CENPF: variants seen among roughly 807,000 people sequenced by gnomAD.
CENPF encodes AH antigen.
CENPF carries 214 observed loss-of-function variants against 307.3 expected under a neutral mutation model. The ratio of observed to expected loss-of-function variants is 0.70; its 90% CI spans 0.62 to 0.78. The LOEUF is 0.78. Among genes scored for constraint, CENPF ranks in the 30% least tolerant of loss-of-function variants. CENPF has a pLI of 0.00. For synonymous variants in CENPF, 1,259 were observed against 1,270.6 expected (o/e 0.99, Z 0.19); for missense variants, 3,401 against 3,483.9 (o/e 0.98, Z 0.60).
In CENPF at chr1:214,632,430, A is replaced by C. The variant is rs376556273; in HGVS notation, c.1324-50A>C. ...ATTGTTTAAGAATACATGATTAATG[A>C]AAAAGTAAAGAACATGAAAATGAAA... On this transcript the variant is annotated intron_variant, in intron 9 of 19. Transcript: ENST00000366955. The C allele has an allele frequency of 9.9e-5, 157 of 1,585,354 alleles. 1 individual carries two copies. The highest frequency in any genetic ancestry group is 2.2e-4 in the Admixed American group (12 of 55,188).
At position 214,622,167 on chromosome 1, in the gene CENPF, C is replaced by G; in HGVS notation, c.954C>G (p.Leu318=). The G allele has an allele frequency of 6.2e-7, 1 of 1,613,922 alleles. No homozygotes were observed. The highest frequency in any genetic ancestry group is 8.5e-7 in the Non-Finnish European group (1 of 1,179,900). ...MKGQVNKFQE[L]QLQLEKAKVE... ...GCCAAGTGAATAAGTTTCAAGAACT[C>G]CAACTCCAACTGGAGAAAGCAAAAG... Residue 318 remains leucine, a synonymous_variant, in exon 7 of 20, where the codon CTC becomes CTG. Coordinates refer to ENST00000366955, the MANE Select transcript of CENPF (RefSeq NM_016343.4).
At chr1:214,632,667 A>G (rs765769098) in intron 10 of CENPF, 65 bp downstream of exon 10, 442 of 1,563,960 alleles carry the variant, frequency 2.8e-4, no homozygotes, top group Non-Finnish European at 3.5e-4. Flanking sequence ...GGAAAAGAAT[A>G]TTCCTATTCC....
At chr1:214,625,143 ATTTTG>A (rs1657616755) in intron 7 of CENPF, among the ~76,000 whole-genome samples, 1 of 151,568 alleles carries the variant, frequency 6.6e-6, no homozygotes, top group South Asian at 2.1e-4. Flanking sequence ...CTTTCAACCT[ATTTTG>A]TTATATTGAG....
In CENPF at chr1:214,642,830, G is replaced by A. The variant is rs1198752698; in HGVS notation, c.4492G>A (p.Ala1498Thr). 1 of 1,613,984 alleles carries A rather than the reference G, an allele frequency of 6.2e-7. No individual in the cohort carries two copies. The highest frequency in any genetic ancestry group is 1.7e-4 in the Middle Eastern group (1 of 6,058). ...TTTGGGAGACTCCTCCTTTTACAGA[G>A]CTCTTTTAGAACAGACAGGAGATAT... ...SSLGDSSFYRALLEQTGDMSL... is the reference protein window; with the variant it reads ...SSLGDSSFYRTLLEQTGDMSL... Residue 1498 changes from alanine to threonine, a missense_variant, in exon 12 of 20, where the codon GCT (alanine) becomes ACT (threonine). By Grantham distance (58) the Ala-to-Thr change is moderately conservative. Coordinates refer to ENST00000366955, the MANE Select transcript of CENPF (RefSeq NM_016343.4).
intron 5 of CENPF, 103 bp from the exon 6 acceptor site, chr1:214,620,552 A>C (rs117213302): frequency 3.4e-6 from 4 of 1,185,172 alleles, no homozygotes; most frequent in East Asian, 2.3e-5. Context: ...ATGCAGTGCA[A>C]CTGTTAACTT....
intron 1 of CENPF, chr1:214,605,515 G>A (rs1467016193): frequency 1.7e-6 from 1 of 585,590 alleles, no homozygotes; most frequent in Non-Finnish European, 3.0e-6. Flanking sequence ...CAAAAGGAAA[G>A]GAGTGCGTAG....
At chr1:214,652,372 G>A (rs967927765) in intron 15 of CENPF, among the ~76,000 whole-genome samples, 4 of 151,502 alleles carry the variant, frequency 2.6e-5, no homozygotes, top group Non-Finnish European at 4.4e-5. Flanking sequence ...CCATTTTGGA[G>A]TAGAATAATA....
rs373295400 is a variant in CENPF at position 214,643,263 on chromosome 1, G to A, written c.4925G>A (p.Arg1642Gln). 160 of 1,568,236 alleles carry A rather than the reference G, an allele frequency of 1.0e-4. No homozygotes were observed. In the East Asian group the frequency reaches 1.6e-3, roughly 15 times the overall value. The change falls in exon 12 of 20, where the codon CGA (arginine) becomes CAA (glutamine). Residue 1642 changes from arginine (R) to glutamine (Q), a missense_variant. By Grantham distance (43) the Arg-to-Gln change is conservative. Coordinates refer to ENST00000366955, the MANE Select transcript of CENPF (RefSeq NM_016343.4). ...EQLSLELEVARLQLQGLDLSS... is the reference protein window; with the variant it reads ...EQLSLELEVAQLQLQGLDLSS... ...CTGTCACTTGAGCTGGAAGTAGCAC[G>A]ACTCCAGCTACAAGGTCTGGACTTA... is the stretch of plus-strand genomic sequence containing the variant.
At chr1:214,616,303 C>T (rs537497875) in intron 3 of CENPF, among the ~76,000 whole-genome samples, 3 of 152,020 alleles carry the variant, frequency 2.0e-5, no homozygotes, top group East Asian at 1.9e-4. Flanking sequence ...GAATAAGATA[C>T]GAATTTAAAG....
chr1:214,619,069 G>C (rs1278913025), intron 4 of CENPF, 60 bp from the exon 5 acceptor site: 1 of 871,898 alleles, frequency 1.1e-6, no homozygotes, highest in African/African-American at 1.7e-5. Flanking sequence ...TTGTTGATCT[G>C]TGAATTCCTT....
chr1:214,651,987 A>G (rs1658477066), intron 15 of CENPF, 101 bp downstream of exon 15: 3 of 990,426 alleles, frequency 3.0e-6, no homozygotes, highest in Non-Finnish European at 4.3e-6. Flanking sequence ...CTGGGTTATT[A>G]CTATGCTATA....
chr1:214,619,399 G>T (rs1315035804), intron 5 of CENPF, among the ~76,000 whole-genome samples, 179 bp downstream of exon 5: 1 of 152,090 alleles, frequency 6.6e-6, no homozygotes, highest in Non-Finnish European at 1.5e-5. Context: ...AAAATAGGGT[G>T]GAATGAATAA....
rs1658746116 is a variant in CENPF at position 214,659,845 on chromosome 1, T to C, written c.9141+817T>C. 6.6e-6 allele frequency among the ~76,000 whole-genome samples: 1 copy of C among 152,182 alleles called. No homozygotes were observed. The highest frequency in any genetic ancestry group is 1.5e-5 in the Non-Finnish European group (1 of 68,020). ...TACCAGTGTTTCTCAGACTGGGGAC[T>C]AGGGGGATATTTTTGGAAGTTGCTG... On this transcript the variant is annotated intron_variant, in intron 19 of 19. Coordinates refer to ENST00000366955, the MANE Select transcript of CENPF (RefSeq NM_016343.4). This position sits in a 1 kb window ranked among gnomAD's most constrained non-coding sequence, Gnocchi z 4.4.
intron 5 of CENPF, among the ~76,000 whole-genome samples, chr1:214,620,203 T>C (rs1478261357): frequency 6.6e-6 from 1 of 152,184 alleles, no homozygotes; most frequent in Non-Finnish European, 1.5e-5. Flanking sequence ...TGTGACTTTT[T>C]TTGGGATAGT....
At chr1:214,634,291 G>A (rs1365631133) in intron 10 of CENPF, among the ~76,000 whole-genome samples, 1 of 152,186 alleles carries the variant, frequency 6.6e-6, no homozygotes, top group Non-Finnish European at 1.5e-5. Flanking sequence ...TCTTTTGAGG[G>A]TGATAGCAAG....
chr1:214,617,573 A>G (rs1237996423), intron 3 of CENPF, among the ~76,000 whole-genome samples: 3 of 152,236 alleles, frequency 2.0e-5, no homozygotes. Context: ...TACAGGGTGT[A>G]CATATATACA....
In CENPF at chr1:214,640,778, T is replaced by C; in HGVS notation, c.2440T>C (p.Cys814Arg). 1.9e-6 allele frequency: 3 copies of C among 1,613,178 alleles called. No individual in the cohort carries two copies. The highest frequency in any genetic ancestry group is 2.5e-6 in the Non-Finnish European group (3 of 1,179,764). The stretch of plus-strand genomic sequence containing the variant: ...AAGCATGCCTTCAGAGAGGAGTGAA[T>C]GTCGTTTAGAAGCAGACCAAAGTCC... ...QGSMPSERSECRLEADQSPKN... is the reference protein window; with the variant it reads ...QGSMPSERSERRLEADQSPKN... The change falls in exon 12 of 20, where the codon TGT becomes CGT. Residue 814 changes from cysteine (C) to arginine (R), a missense_variant. Transcript: ENST00000366955.
chr1:214,630,687 T>G (rs751401848), intron 9 of CENPF, 25 bp downstream of exon 9: 12 of 1,610,062 alleles, frequency 7.5e-6, no homozygotes, highest in Non-Finnish European at 1.0e-5. Flanking sequence ...TCTCTCTCTC[T>G]CCTTAATCAT....
At chr1:214,661,936 C>T (rs1239166331) in intron 19 of CENPF, among the ~76,000 whole-genome samples, 1 of 151,734 alleles carries the variant, frequency 6.6e-6, no homozygotes, top group Non-Finnish European at 1.5e-5. Context: ...AGATTAAATA[C>T]TTGGTGAATT....
Sources: gnomAD v4.1 joint callset for allele counts (sites outside exome capture counted in the v4.1 genomes callset) on GRCh38, gnomAD v4.1.1 for gene constraint, Gnocchi (gnomAD v3.1) non-coding constraint, MANE v1.5 for transcripts, NCBI Gene and HGNC (gene_info 2026-07-23, HGNC 2026-07-21) for gene names.